The following SMC2 variants were observed in gnomAD, a reference collection of about 807,000 sequenced individuals.
The protein encoded by SMC2 is structural maintenance of chromosomes protein 2.
SMC2 carries 41 observed loss-of-function variants against 142.6 expected under a neutral mutation model. The ratio of observed to expected loss-of-function variants is 0.29; its 90% CI spans 0.22 to 0.37. SMC2 has a LOEUF of 0.37. Among genes scored for constraint, SMC2 ranks in the 10% least tolerant of loss-of-function variants. The pLI is 1.00. For synonymous variants in SMC2, 463 were observed against 457.5 expected (o/e 1.01, Z -0.15); for missense variants, 1,265 against 1,373.7 (o/e 0.92, Z 1.25).
chr9:104,116,926 T>A (rs1833179581), intron 14 of SMC2, among the ~76,000 whole-genome samples: 1 of 151,930 alleles, frequency 6.6e-6, no homozygotes, highest in Non-Finnish European at 1.5e-5. Context: ...AAGTCAGTCA[T>A]AACATTCAGC....
At chr9:104,118,985 C>G (rs76258511) in intron 15 of SMC2, among the ~76,000 whole-genome samples, 8,621 of 152,162 alleles carry the variant, frequency 0.057, 650 homozygotes, top group African/African-American at 0.18. Context: ...ATACAGAGTG[C>G]TTAAATAACG....
intron 22 of SMC2, among the ~76,000 whole-genome samples, chr9:104,133,268 A>G (rs1239258793): frequency 6.6e-6 from 1 of 152,024 alleles, no homozygotes; most frequent in African/African-American, 2.4e-5. Flanking sequence ...CTTTTGGAGG[A>G]AGTTTCACAC....
At chr9:104,114,159 T>G (rs893717656) in intron 12 of SMC2, 78 bp downstream of exon 12, 60 of 914,342 alleles carry the variant, frequency 6.6e-5, no homozygotes, top group Non-Finnish European at 9.1e-5. Flanking sequence ...GTGTGAAAAT[T>G]TTGTCGAAAC....
At position 104,128,492 on chromosome 9, in the gene SMC2, T is replaced by G. The variant is rs77854732; in HGVS notation, c.2790+1012T>G. The stretch of plus-strand genomic sequence containing the variant: ...GTCTGCTAAGAAGTCAATCAAAGAT[T>G]TATACATACCTACCAGTATCAGATA... On this transcript the variant is annotated intron_variant, in intron 20 of 24. Coordinates refer to ENST00000374793, the MANE Select transcript of SMC2 (RefSeq NM_006444.3). 2.0e-3 allele frequency among the ~76,000 whole-genome samples: 311 copies of G among 152,246 alleles called. 4 individuals carry two copies. Among genetic ancestry groups the G allele is most frequent in the African/African-American group, 7.2e-3 (300 of 41,532 alleles).
chr9:104,097,432 C>G (rs1197872723), intron 3 of SMC2, among the ~76,000 whole-genome samples: 1 of 147,672 alleles, frequency 6.8e-6, no homozygotes, highest in Non-Finnish European at 1.5e-5. Flanking sequence ...AAAATGTTGT[C>G]AACTCCTATT....
chr9:104,116,190 T>C lies in SMC2; in HGVS notation c.1672-10T>C. 1 of 1,568,070 alleles carries C rather than the reference T, an allele frequency of 6.4e-7. No individual in the cohort carries two copies. The highest frequency in any genetic ancestry group is 8.6e-7 in the Non-Finnish European group (1 of 1,163,956). On this transcript the variant is annotated splice_polypyrimidine_tract_variant and intron_variant, in intron 13 of 24. Coordinates refer to ENST00000374793, the MANE Select transcript of SMC2 (RefSeq NM_006444.3). ...AACATGCGTTTTTTAAATTCAAATG[T>C]GTGTTGTAGGTTACTGGTAAAAAGC...
chr9:104,113,544 A>T, intron 11 of SMC2, 69 bp downstream of exon 11: 1 of 1,277,582 alleles, frequency 7.8e-7, no homozygotes, highest in South Asian at 1.7e-5. Context: ...GCTAATTTAA[A>T]TAAAGAACGC....
At chr9:104,090,967 T>C (rs1829975031), upstream of SMC2, among the ~76,000 whole-genome samples, 1 of 152,220 alleles carries the variant, frequency 6.6e-6, no homozygotes, top group Non-Finnish European at 1.5e-5. Context: ...GAAAACAATA[T>C]TGTCACTGAC....
At chr9:104,099,453 G>C (rs1830864268) in intron 4 of SMC2, among the ~76,000 whole-genome samples, 191 bp from the exon 5 acceptor site, 1 of 151,706 alleles carries the variant, frequency 6.6e-6, no homozygotes, top group South Asian at 2.1e-4. Flanking sequence ...TCCATAATTT[G>C]TATCACTGGT....
intron 4 of SMC2, among the ~76,000 whole-genome samples, chr9:104,099,360 T>C (rs1830855956): frequency 6.6e-6 from 1 of 152,160 alleles, no homozygotes; most frequent in African/African-American, 2.4e-5. Flanking sequence ...ATATTTCTAC[T>C]TAATGTTAAC....
chr9:104,129,928 TAG>T (rs1361346710), intron 21 of SMC2, 83 bp downstream of exon 21: 3 of 1,007,124 alleles, frequency 3.0e-6, no homozygotes, highest in Admixed American at 2.0e-5. Flanking sequence ...ATGCAATTAT[TAG>T]AGTTAACCTT....
intron 4 of SMC2, 127 bp downstream of exon 4, chr9:104,098,695 G>A (rs956412881): frequency 1.7e-5 from 15 of 886,918 alleles, no homozygotes; most frequent in Admixed American, 1.2e-4. Flanking sequence ...TGCTGTGTCC[G>A]GCCATCTGTT....
At position 104,099,680 on chromosome 9, in the gene SMC2, G is replaced by C. The variant is rs1170522452; in HGVS notation, c.478G>C (p.Glu160Gln). The C allele has an allele frequency of 6.4e-7, 1 of 1,557,542 alleles. No individual in the cohort carries two copies. Among genetic ancestry groups the C allele is most frequent in the African/African-American group, 1.4e-5 (1 of 73,760 alleles). ...ITKVLNMKPP[E>Q]ILSMIEEAAG... The stretch of plus-strand genomic sequence containing the variant: ...AAAAGTATTGAATATGAAACCTCCA[G>C]AGGTAAGAGTACTATTTATGGACAT... Residue 160 changes from glutamate (E) to glutamine (Q), a missense_variant and splice_region_variant, in exon 5 of 25, where the codon GAG (glutamate) becomes CAG (glutamine). Glu to Gln is a conservative substitution (Grantham distance 29). Coordinates refer to ENST00000374793, the MANE Select transcript of SMC2 (RefSeq NM_006444.3).
chr9:104,125,973 C>G (rs1195511194), intron 18 of SMC2, among the ~76,000 whole-genome samples: 1 of 152,100 alleles, frequency 6.6e-6, no homozygotes, highest in Non-Finnish European at 1.5e-5. Context: ...AGACCAGTAA[C>G]AGAGGAGGTG....
At chr9:104,127,533 C>T (rs1249700288) in intron 20 of SMC2, 53 bp downstream of exon 20, 6 of 1,363,496 alleles carry the variant, frequency 4.4e-6, no homozygotes, top group Non-Finnish European at 5.8e-6. Context: ...TTACTGAGCT[C>T]TTGAAAAAAT....
intron 7 of SMC2, 148 bp from the exon 8 acceptor site, chr9:104,101,812 C>A: frequency 3.6e-6 from 2 of 552,748 alleles, no homozygotes. Flanking sequence ...TCTGATGTTA[C>A]GTAAAGTTTC....
At chr9:104,106,982 G>A (rs1831871849) in intron 9 of SMC2, among the ~76,000 whole-genome samples, 1 of 152,198 alleles carries the variant, frequency 6.6e-6, no homozygotes, top group African/African-American at 2.4e-5. Context: ...ACTATTAGTA[G>A]GCACATCTCA....
rs1280930500 is a variant in SMC2, at chr9:104,139,546, GT to G, written c.*238del. 1.7e-5 allele frequency: 6 copies of G among 354,960 alleles called. No individual in the cohort carries two copies. Among genetic ancestry groups the G allele is most frequent in the Admixed American group, 5.0e-5 (1 of 20,200 alleles). The allele number at this position is 354,960 out of a possible 1,614,324, so 22.0% of individuals were successfully genotyped here. A position where few individuals can be genotyped will look rare whatever the true frequency, so the allele number is the denominator to read the frequency against. ...TGTGATTTTATGCATATCATCAAAT[GT>G]TTTTTTCTTATGCGGGTCTTTTATA... On this transcript the variant is annotated 3_prime_UTR_variant, in exon 25 of 25. Coordinates refer to ENST00000374793, the MANE Select transcript of SMC2 (RefSeq NM_006444.3).
intron 18 of SMC2, among the ~76,000 whole-genome samples, 159 bp downstream of exon 18, chr9:104,125,264 G>T (rs771761625): frequency 6.6e-6 from 1 of 152,122 alleles, no homozygotes; most frequent in African/African-American, 2.4e-5. Flanking sequence ...ACAAGTCAAA[G>T]GAGTATCCAG....
Sources: allele counts gnomAD v4.1 joint callset (sites outside exome capture counted in the v4.1 genomes callset), GRCh38; gene constraint gnomAD v4.1.1; transcripts MANE v1.5; gene names NCBI Gene and HGNC (gene_info 2026-07-23, HGNC 2026-07-21).